The following SAMD5 variants were observed in gnomAD, a reference collection of about 807,000 sequenced individuals.
SAMD5 encodes the protein sterile alpha motif domain-containing protein 5.
Under a neutral mutation model 11.3 loss-of-function variants are expected in SAMD5, and 13 were observed. The observed-to-expected ratio is 1.15, with a 90% CI of 0.75 to 1.83. The LOEUF (loss-of-function observed/expected upper bound fraction) is 1.83, where lower values mean the gene tolerates loss of function less well. SAMD5 is among the 40% of genes most tolerant of loss of function. The pLI is 0.00. For missense variants in SAMD5, 255 were observed against 239.1 expected (o/e 1.07, Z -0.44); for synonymous variants, 129 against 111.3 (o/e 1.16, Z -1.00).
At chr6:147,839,200 C>T in the SAMD5 span, among the ~76,000 whole-genome samples, 4 of 152,168 alleles carry the variant, frequency 2.6e-5, no homozygotes, top group African/African-American at 7.2e-5. Context: ...CTGCACCAAA[C>T]TGGACTCCTG....
chr6:147,553,245 C>G (rs702333), intron 1 of SAMD5, among the ~76,000 whole-genome samples: 46,307 of 151,918 alleles, frequency 0.3, 7,438 homozygotes, highest in East Asian at 0.53. Flanking sequence ...GGTAATATGC[C>G]CAAGGCCATC....
the SAMD5 span, among the ~76,000 whole-genome samples, chr6:147,802,618 G>A: frequency 2.5e-3 from 378 of 150,654 alleles, 1 homozygote; most frequent in Middle Eastern, 0.037. Flanking sequence ...TCTTTGTAGC[G>A]CCATTATTCA....
At chr6:147,954,642 C>CT in the SAMD5 span, among the ~76,000 whole-genome samples, 3,245 of 137,244 alleles carry the variant, frequency 0.024, 107 homozygotes, top group African/African-American at 0.065. Flanking sequence ...TTTTTAACCT[C>CT]TTTTTTTTTT....
intron 1 of SAMD5, among the ~76,000 whole-genome samples, chr6:147,702,813 G>GTA (rs1307252268): frequency 7.6e-6 from 1 of 131,684 alleles, no homozygotes; most frequent in Non-Finnish European, 1.7e-5. Flanking sequence ...TAGTCTATTT[G>GTA]TATATGTGTG....
intron 1 of SAMD5, among the ~76,000 whole-genome samples, chr6:147,628,880 A>AT (rs1353276705): frequency 6.6e-6 from 1 of 152,174 alleles, no homozygotes. Context: ...AGTGCTCATT[A>AT]TCACATTCAT....
At chr6:147,512,013 T>G (rs1439039266) in intron 1 of SAMD5, among the ~76,000 whole-genome samples, 1 of 152,178 alleles carries the variant, frequency 6.6e-6, no homozygotes, top group Non-Finnish European at 1.5e-5. Flanking sequence ...TGGAGTGCAG[T>G]GCCAGATCTC....
intron 1 of SAMD5, chr6:147,730,316 G>C (rs1562362118): frequency 3.3e-6 from 1 of 304,538 alleles, no homozygotes; most frequent in East Asian, 7.9e-5. Flanking sequence ...ACAGACTAAA[G>C]AGGGACAAGG....
At position 147,548,460 on chromosome 6, in the gene SAMD5, G is replaced by A. The variant is rs572224260; in HGVS notation, c.460-15934G>A. ...TTGAATACAGAATTATGTGTTCCCTGTTAACTTTACCCCAGAATGGGAAAT... is the reference window on the plus strand; with the variant it reads ...TTGAATACAGAATTATGTGTTCCCTATTAACTTTACCCCAGAATGGGAAAT... On this transcript the variant is annotated intron_variant, in intron 1 of 1. Coordinates refer to ENST00000367474, the MANE Select transcript of SAMD5 (RefSeq NM_001030060.3). Among the ~76,000 whole-genome samples, 30 of 152,242 alleles carry A rather than the reference G, an allele frequency of 2.0e-4. No individual in the cohort carries two copies. In the South Asian group the frequency reaches 6.2e-3, roughly 32 times the overall value.
chr6:147,854,509 G>C, the SAMD5 span, among the ~76,000 whole-genome samples: 2 of 152,176 alleles, frequency 1.3e-5, no homozygotes, highest in Admixed American at 6.5e-5. Context: ...ATTCAGGTGA[G>C]AGATGATGAC....
the SAMD5 span, among the ~76,000 whole-genome samples, chr6:147,848,559 C>T: frequency 6.6e-6 from 1 of 152,150 alleles, no homozygotes; most frequent in Non-Finnish European, 1.5e-5. Context: ...GGTCAACAAA[C>T]TCACCTAATA....
At chr6:147,716,969 C>T (rs1297210490) in intron 1 of SAMD5, among the ~76,000 whole-genome samples, 1 of 152,206 alleles carries the variant, frequency 6.6e-6, no homozygotes, top group Non-Finnish European at 1.5e-5. Context: ...CCACCTCACT[C>T]CTTCCAGCCT....
the SAMD5 span, among the ~76,000 whole-genome samples, chr6:147,931,631 G>A: frequency 1.3e-5 from 2 of 152,144 alleles, no homozygotes; most frequent in African/African-American, 4.8e-5. Flanking sequence ...TGAACAAGAA[G>A]TGGCAAAAAT....
chr6:147,589,415 A>T (rs1789422696), intron 1 of SAMD5, among the ~76,000 whole-genome samples: 1 of 152,142 alleles, frequency 6.6e-6, no homozygotes, highest in Admixed American at 6.5e-5. Flanking sequence ...GTCTTTCTCA[A>T]ATGTGCCACA....
chr6:147,638,875 A>T (rs1283383880), intron 1 of SAMD5, among the ~76,000 whole-genome samples: 1 of 152,234 alleles, frequency 6.6e-6, no homozygotes, highest in African/African-American at 2.4e-5. Flanking sequence ...AAATTTAACA[A>T]TACATTTCTT....
chr6:147,589,007 G>T (rs1161839182), intron 1 of SAMD5, among the ~76,000 whole-genome samples: 1 of 151,906 alleles, frequency 6.6e-6, no homozygotes, highest in Non-Finnish European at 1.5e-5. Context: ...GCCGAGGCTG[G>T]CGTGCAGTGG....
the SAMD5 span, among the ~76,000 whole-genome samples, chr6:147,753,414 C>T: frequency 6.6e-6 from 1 of 152,110 alleles, no homozygotes; most frequent in African/African-American, 2.4e-5. Context: ...ATTAGTACAA[C>T]ATTAACATTT....
chr6:147,721,428 T>C (rs1791550412), intron 1 of SAMD5, among the ~76,000 whole-genome samples: 1 of 152,236 alleles, frequency 6.6e-6, no homozygotes, highest in Admixed American at 6.5e-5. Flanking sequence ...GTGGTTTTAA[T>C]TTGCATTTCT....
At chr6:147,549,303 C>G (rs947692325) in intron 1 of SAMD5, among the ~76,000 whole-genome samples, 5 of 152,178 alleles carry the variant, frequency 3.3e-5, no homozygotes, top group African/African-American at 1.2e-4. Context: ...TAGGTGCACC[C>G]TAGCAGCTCA....
At chr6:147,938,168 A>G in the SAMD5 span, among the ~76,000 whole-genome samples, 8 of 152,258 alleles carry the variant, frequency 5.3e-5, no homozygotes, top group Non-Finnish European at 7.3e-5. Context: ...GAAGTGAGTC[A>G]GTTATATTCA....
Sources: allele counts gnomAD v4.1 joint callset (sites outside exome capture counted in the v4.1 genomes callset), GRCh38; gene constraint gnomAD v4.1.1; transcripts MANE v1.5; gene names NCBI Gene and HGNC (gene_info 2026-07-23, HGNC 2026-07-21).